HPSE2: variants seen among roughly 807,000 people sequenced by gnomAD.
The protein encoded by HPSE2 is inactive heparanase-2.
HPSE2 carries 38 observed loss-of-function variants against 60.5 expected under a neutral mutation model. That is an observed-to-expected ratio of 0.63 (90% confidence interval 0.48 to 0.82). The LOEUF (loss-of-function observed/expected upper bound fraction) is 0.82. Among genes scored for constraint, HPSE2 ranks in the 40% least tolerant of loss-of-function variants. The pLI, the probability that HPSE2 is intolerant of heterozygous loss-of-function variation, is 0.00. For synonymous variants in HPSE2, 295 were observed against 293.2 expected (o/e 1.01, Z -0.06); for missense variants, 713 against 740.4 (o/e 0.96, Z 0.43).
chr10:99,148,519 A>T (rs1417842727), intron 2 of HPSE2, among the ~76,000 whole-genome samples: 2 of 152,172 alleles, frequency 1.3e-5, no homozygotes, highest in Non-Finnish European at 2.9e-5. Context: ...GGCCGGGTGC[A>T]GTAGCTCACG....
intron 3 of HPSE2, among the ~76,000 whole-genome samples, chr10:98,779,969 G>A (rs1420628963): frequency 3.9e-5 from 6 of 152,058 alleles, no homozygotes; most frequent in Non-Finnish European, 8.8e-5. Context: ...TTACAAGCAC[G>A]GGGGTCTCTC....
At chr10:98,753,715 A>C (rs1357177294) in intron 3 of HPSE2, among the ~76,000 whole-genome samples, 1 of 152,206 alleles carries the variant, frequency 6.6e-6, no homozygotes, top group East Asian at 1.9e-4. Flanking sequence ...CCAGCCCCCC[A>C]GGGTTAGAGC....
At chr10:98,772,323 G>C (rs1950258021) in intron 3 of HPSE2, among the ~76,000 whole-genome samples, 1 of 152,064 alleles carries the variant, frequency 6.6e-6, no homozygotes, top group Admixed American at 6.6e-5. Flanking sequence ...AGACAAAAAT[G>C]GATGACTGGG....
intron 9 of HPSE2, among the ~76,000 whole-genome samples, chr10:98,505,760 C>T (rs1032698370): frequency 1.3e-5 from 2 of 152,096 alleles, no homozygotes; most frequent in African/African-American, 4.8e-5. Context: ...TCCAATTATA[C>T]CAGCATCATT....
intron 9 of HPSE2, among the ~76,000 whole-genome samples, chr10:98,572,717 C>G (rs1329376500): frequency 6.6e-6 from 1 of 152,182 alleles, no homozygotes; most frequent in East Asian, 1.9e-4. Context: ...TCCTAACATC[C>G]TCTTTTTAAA....
chr10:98,876,036 T>C (rs372042930), intron 3 of HPSE2, among the ~76,000 whole-genome samples: 12 of 152,060 alleles, frequency 7.9e-5, no homozygotes, highest in African/African-American at 2.6e-4. Flanking sequence ...GTCATTTGTA[T>C]ATGGGTCTAA....
chr10:99,312,647 G>A, the HPSE2 span, among the ~76,000 whole-genome samples: 2 of 152,166 alleles, frequency 1.3e-5, no homozygotes, highest in African/African-American at 4.8e-5. Context: ...AGATGTACAA[G>A]GAAATTAATG....
chr10:98,829,852 T>A (rs1452176435), intron 3 of HPSE2, among the ~76,000 whole-genome samples: 1 of 152,204 alleles, frequency 6.6e-6, no homozygotes, highest in East Asian at 1.9e-4. Context: ...TTTTATTTAT[T>A]TTCTTTCTTT....
At chr10:98,842,438 A>C (rs1280347119) in intron 3 of HPSE2, among the ~76,000 whole-genome samples, 2 of 151,974 alleles carry the variant, frequency 1.3e-5, no homozygotes, top group Non-Finnish European at 2.9e-5. Context: ...AGAGTTTGCC[A>C]ATCTGTCATG....
intron 2 of HPSE2, among the ~76,000 whole-genome samples, chr10:99,211,902 A>G (rs1848964236): frequency 6.6e-6 from 1 of 152,184 alleles, no homozygotes; most frequent in South Asian, 2.1e-4. Flanking sequence ...CAATCAACAC[A>G]GGGAAGAGAC....
At chr10:98,874,124 G>A (rs541923129) in intron 3 of HPSE2, among the ~76,000 whole-genome samples, 1 of 149,714 alleles carries the variant, frequency 6.7e-6, no homozygotes, top group East Asian at 2.0e-4. Context: ...CAGATGTGTA[G>A]ATTGCAAAAA....
At chr10:98,778,857 T>C (rs1950405326) in intron 3 of HPSE2, among the ~76,000 whole-genome samples, 1 of 152,180 alleles carries the variant, frequency 6.6e-6, no homozygotes, top group African/African-American at 2.4e-5. Flanking sequence ...CAAAGGAGAT[T>C]AAATTTTAGC....
chr10:99,289,024 TTC>T, the HPSE2 span, among the ~76,000 whole-genome samples: 1 of 152,158 alleles, frequency 6.6e-6, no homozygotes, highest in African/African-American at 2.4e-5. Context: ...GGTCACTGTC[TTC>T]TGTTTTACCA....
chr10:98,583,030 A>AG (rs1364524869), intron 9 of HPSE2, among the ~76,000 whole-genome samples: 10 of 152,098 alleles, frequency 6.6e-5, no homozygotes, highest in Non-Finnish European at 1.3e-4. Context: ...AACGAAGACT[A>AG]GGGGGGCATA....
the HPSE2 span, among the ~76,000 whole-genome samples, chr10:99,246,357 C>T: frequency 6.6e-6 from 1 of 152,148 alleles, no homozygotes; most frequent in Non-Finnish European, 1.5e-5. Flanking sequence ...CACAGTGTAC[C>T]TGGAAGAATG....
At chr10:99,039,334 T>C (rs373963072) in intron 3 of HPSE2, among the ~76,000 whole-genome samples, 12 of 152,258 alleles carry the variant, frequency 7.9e-5, no homozygotes, top group African/African-American at 2.6e-4. Flanking sequence ...CACTCCTTGC[T>C]ACCACTTATC....
chr10:98,782,913 T>TTTA (rs539808297), intron 3 of HPSE2, among the ~76,000 whole-genome samples: 2 of 41,344 alleles, frequency 4.8e-5, no homozygotes, highest in Admixed American at 1.8e-4. Context: ...TGTTTGTTTA[T>TTTA]TTTTTTTTTT....
chr10:99,202,897 C>T (rs1468529790), intron 2 of HPSE2, among the ~76,000 whole-genome samples: 1 of 152,270 alleles, frequency 6.6e-6, no homozygotes, highest in Middle Eastern at 3.4e-3. Flanking sequence ...TGTCACCCCT[C>T]CTCCGACTCT....
At chr10:98,925,839 C>T (rs1040385956) in intron 3 of HPSE2, among the ~76,000 whole-genome samples, 3 of 151,990 alleles carry the variant, frequency 2.0e-5, no homozygotes, top group Non-Finnish European at 4.4e-5. Flanking sequence ...TGTTTGTATT[C>T]ATTGAGATTT....
Sources: allele counts gnomAD v4.1 joint callset (sites outside exome capture counted in the v4.1 genomes callset), GRCh38; gene constraint gnomAD v4.1.1; transcripts MANE v1.5; gene names NCBI Gene and HGNC (gene_info 2026-07-23, HGNC 2026-07-21).